PREX2: variants seen among roughly 807,000 people sequenced by gnomAD.
PREX2 encodes the protein phosphatidylinositol-3,4,5-trisphosphate dependent Rac exchange factor 2.
PREX2 carries 107 observed loss-of-function variants against 203.2 expected under a neutral mutation model. The ratio of observed to expected loss-of-function variants is 0.53; its 90% CI spans 0.45 to 0.62. The LOEUF is 0.62. Among genes scored for constraint, PREX2 ranks in the 20% least tolerant of loss-of-function variants. The probability of loss-of-function intolerance (pLI) is 0.00; values close to 1 mark genes in which losing one functional copy is unlikely to be tolerated. For missense variants in PREX2, 1,777 were observed against 1,955.9 expected (o/e 0.91, Z 1.72); for synonymous variants, 672 against 663.6 (o/e 1.01, Z -0.19).
chr8:68,016,390 A>G (rs1180143708), intron 1 of PREX2, among the ~76,000 whole-genome samples: 1 of 152,164 alleles, frequency 6.6e-6, no homozygotes, highest in Non-Finnish European at 1.5e-5. Flanking sequence ...GTATGTGTAT[A>G]TATAGTTTTC....
At chr8:68,078,333 C>G (rs537643945) in intron 15 of PREX2, among the ~76,000 whole-genome samples, 8 of 152,218 alleles carry the variant, frequency 5.3e-5, no homozygotes, top group Admixed American at 2.6e-4. Context: ...GTCTAACTAA[C>G]TTTTGCTTTT....
At chr8:68,178,203 T>C (rs1812018851) in intron 35 of PREX2, among the ~76,000 whole-genome samples, 1 of 152,218 alleles carries the variant, frequency 6.6e-6, no homozygotes, top group Non-Finnish European at 1.5e-5. Context: ...ATTGCCATAC[T>C]GTCTTCCGCA....
chr8:67,975,746 A>G (rs1235886104), intron 1 of PREX2, among the ~76,000 whole-genome samples: 1 of 112,952 alleles, frequency 8.9e-6, no homozygotes, highest in Non-Finnish European at 1.6e-5. Flanking sequence ...CTCTGTCGCC[A>G]AGACTGGAGT....
chr8:68,080,437 C>T lies in PREX2; in HGVS notation c.1643-6C>T. ...TGAAATAATTTGCATCTGTCTTTTTCTGTAGTCCTTGAAAAAAGCGAATTC... is the reference window on the plus strand; with the variant it reads ...TGAAATAATTTGCATCTGTCTTTTTTTGTAGTCCTTGAAAAAAGCGAATTC... On this transcript the variant is annotated splice_polypyrimidine_tract_variant and splice_region_variant and intron_variant, in intron 15 of 39. Transcript: ENST00000288368. The T allele has an allele frequency of 6.2e-7, 1 of 1,610,012 alleles. No homozygotes were observed. Among genetic ancestry groups the T allele is most frequent in the Non-Finnish European group, 8.5e-7 (1 of 1,178,726 alleles).
At chr8:68,163,069 A>G (rs991062325) in intron 35 of PREX2, among the ~76,000 whole-genome samples, 5 of 152,214 alleles carry the variant, frequency 3.3e-5, no homozygotes, top group African/African-American at 1.2e-4. Context: ...TGTGAATTTG[A>G]AAAGCATTTG....
chr8:68,111,123 T>A, intron 25 of PREX2: 1 of 235,416 alleles, frequency 4.2e-6, no homozygotes. Flanking sequence ...CTCCCAGAGG[T>A]ATTTATGAAG....
At chr8:68,043,956 A>G (rs995156684) in intron 7 of PREX2, among the ~76,000 whole-genome samples, 44 of 152,234 alleles carry the variant, frequency 2.9e-4, no homozygotes, top group African/African-American at 9.1e-4. Flanking sequence ...GTATTAAGAG[A>G]CTTGTTCAAC....
intron 3 of PREX2, among the ~76,000 whole-genome samples, chr8:68,020,333 C>CA (rs67292795): frequency 0.19 from 19,721 of 105,942 alleles, 1,732 homozygotes; most frequent in East Asian, 0.29. Flanking sequence ...GCATTCACAC[C>CA]AAAAAAAAAA....
In PREX2 at chr8:68,115,910, A is replaced by G; in HGVS notation, c.3304A>G (p.Ile1102Val). The change falls in exon 26 of 40, where the codon ATC becomes GTC. Residue 1102 changes from isoleucine to valine, a missense_variant. Physicochemically the swap from Ile to Val is conservative, Grantham distance 29. Transcript: ENST00000288368. ...ACAGGAAGATTCTGGTCATGACACC[A>G]TCAGCAACAGAGACTCTTACAGGTA... ...DEQEDSGHDT[I>V]SNRDSYSDCN... 6.2e-7 allele frequency: 1 copy of G among 1,612,420 alleles called. No homozygotes were observed. The highest frequency in any genetic ancestry group is 8.5e-7 in the Non-Finnish European group (1 of 1,179,458).
At chr8:68,014,012 G>A (rs571981937) in intron 1 of PREX2, among the ~76,000 whole-genome samples, 30 of 152,062 alleles carry the variant, frequency 2.0e-4, no homozygotes, top group Non-Finnish European at 3.2e-4. Flanking sequence ...AGAGTGGGAA[G>A]GGCAAAAATA....
chr8:68,009,012 T>C (rs2129609933), intron 1 of PREX2, among the ~76,000 whole-genome samples: 1 of 152,346 alleles, frequency 6.6e-6, no homozygotes, highest in East Asian at 1.9e-4. Context: ...TTAATTGAAA[T>C]AAATATGAAA....
chr8:68,132,744 G>C (rs1811032640), intron 31 of PREX2, among the ~76,000 whole-genome samples: 1 of 152,114 alleles, frequency 6.6e-6, no homozygotes, highest in African/African-American at 2.4e-5. Context: ...AAGAGTCTAT[G>C]AACCCTTGAA....
chr8:68,079,751 C>T (rs1486215720), intron 15 of PREX2, among the ~76,000 whole-genome samples: 2 of 152,016 alleles, frequency 1.3e-5, no homozygotes, highest in African/African-American at 4.8e-5. Context: ...ACTAACAAAA[C>T]ATAAACTTTA....
intron 35 of PREX2, among the ~76,000 whole-genome samples, chr8:68,160,142 A>T (rs1203665841): frequency 1.3e-5 from 2 of 152,136 alleles, no homozygotes; most frequent in African/African-American, 4.8e-5. Context: ...TTCAGTTAGA[A>T]TCCTGGAAGT....
Position 67,972,441 on chromosome 8 carries a change from C to T in PREX2, c.141+19906C>T, listed in dbSNP as rs77505154. 8.2e-3 allele frequency among the ~76,000 whole-genome samples: 1,243 copies of T among 152,332 alleles called. 13 individuals carry two copies. Among genetic ancestry groups the T allele is most frequent in the African/African-American group, 0.028 (1,163 of 41,574 alleles). The stretch of plus-strand genomic sequence containing the variant: ...AAGCTTTCAGGTTCCCTGACTACAT[C>T]GTTGTATTTACTGCTGAATTTACTG... On this transcript the variant is annotated intron_variant, in intron 1 of 39. Transcript: ENST00000288368.
At chr8:68,096,464 C>T (rs900770417) in intron 21 of PREX2, among the ~76,000 whole-genome samples, 1 of 152,088 alleles carries the variant, frequency 6.6e-6, no homozygotes, top group Non-Finnish European at 1.5e-5. Context: ...AAACTATAGG[C>T]AGACATTTTA....
intron 25 of PREX2, among the ~76,000 whole-genome samples, chr8:68,111,349 A>C (rs1449676837): frequency 6.6e-6 from 1 of 152,098 alleles, no homozygotes. Context: ...TTGACGATCT[A>C]GCACTGCCTC....
chr8:68,120,032 G>A (rs1810737727), intron 28 of PREX2, among the ~76,000 whole-genome samples, 164 bp from the exon 29 acceptor site: 1 of 152,042 alleles, frequency 6.6e-6, no homozygotes, highest in African/African-American at 2.4e-5. Flanking sequence ...ATGTTATCAG[G>A]TGCATTTATT....
chr8:68,137,867 C>T (rs1219877414), intron 32 of PREX2, among the ~76,000 whole-genome samples: 1 of 151,992 alleles, frequency 6.6e-6, no homozygotes, highest in African/African-American at 2.4e-5. Context: ...CGCCATAAAG[C>T]CAAGTGAGGT....
Sources: allele counts gnomAD v4.1 joint callset (sites outside exome capture counted in the v4.1 genomes callset), GRCh38; gene constraint gnomAD v4.1.1; transcripts MANE v1.5; gene names NCBI Gene and HGNC (gene_info 2026-07-23, HGNC 2026-07-21).